The following PITPNM3 variants were observed in gnomAD, a reference collection of about 807,000 sequenced individuals.
PITPNM3 encodes PITPNM family member 3, also known as membrane-associated phosphatidylinositol transfer protein 3.
PITPNM3 carries 26 observed loss-of-function variants against 102.0 expected under a neutral mutation model. The observed-to-expected ratio is 0.25, with a 90% CI of 0.19 to 0.35. The LOEUF (loss-of-function observed/expected upper bound fraction) is 0.35. Among genes scored for constraint, PITPNM3 ranks in the 10% least tolerant of loss-of-function variants. The probability of loss-of-function intolerance (pLI) is 1.00; values close to 1 mark genes in which losing one functional copy is unlikely to be tolerated. For missense variants in PITPNM3, 1,083 were observed against 1,346.1 expected, an observed-to-expected ratio of 0.80 and a Z score of 3.06; for synonymous variants, 578 against 558.6, an observed-to-expected ratio of 1.03 and a Z score of -0.49.
intron 3 of PITPNM3, among the ~76,000 whole-genome samples, chr17:6,506,461 T>A (rs1431203540): frequency 6.6e-6 from 1 of 151,392 alleles, no homozygotes; most frequent in Admixed American, 6.6e-5. Context: ...AACCTCCGCC[T>A]CCCAGGTTCA....
At chr17:6,523,298 T>G (rs928913348) in intron 3 of PITPNM3, among the ~76,000 whole-genome samples, 1 of 152,176 alleles carries the variant, frequency 6.6e-6, no homozygotes, top group African/African-American at 2.4e-5. Context: ...CATCACAGCT[T>G]TTTTACTAGT....
chr17:6,516,930 A>C (rs932708026), intron 3 of PITPNM3, among the ~76,000 whole-genome samples: 1 of 152,170 alleles, frequency 6.6e-6, no homozygotes, highest in Non-Finnish European at 1.5e-5. Flanking sequence ...TAAAAACCAT[A>C]TTACTCACAA....
At chr17:6,495,888 G>A (rs976293320) in intron 4 of PITPNM3, among the ~76,000 whole-genome samples, 5 of 152,198 alleles carry the variant, frequency 3.3e-5, no homozygotes, top group African/African-American at 1.2e-4. Context: ...GTGCAGTGAG[G>A]TCTCTCTTTG....
In PITPNM3 at chr17:6,474,459, G is replaced by A. The variant is rs752331730; in HGVS notation, c.1231C>T (p.Arg411Trp). ...TCCAGCCCAGGCAGCACCGTCCTCC[G>A]CATGGCCAGGACCAGGCCCAGTGGC... ...GSPLGLVLAM[R>W]RTVLPGLDGF... The change falls in exon 10 of 20, where the codon CGG becomes TGG. Residue 411 changes from arginine (R) to tryptophan (W), a missense_variant. Physicochemically the swap from Arg to Trp is moderately radical, Grantham distance 101 (BLOSUM62 -3). Around this residue, in one of 5 missense-constraint regions of PITPNM3, gnomAD observed 410 missense variants for 638.4 expected, o/e 0.64. Transcript: ENST00000262483. 18 of 1,613,352 alleles carry A rather than the reference G, an allele frequency of 1.1e-5. No individual in the cohort carries two copies. The highest frequency in any genetic ancestry group is 8.3e-5 in the Admixed American group (5 of 60,000).
chr17:6,463,981 C>T, intron 16 of PITPNM3, 100 bp from the exon 17 acceptor site: 1 of 1,566,580 alleles, frequency 6.4e-7, no homozygotes, highest in Non-Finnish European at 8.7e-7. Flanking sequence ...CAGTCTGGGT[C>T]AAGGTCAGAG....
chr17:6,542,788 C>T (rs547731626), intron 1 of PITPNM3, among the ~76,000 whole-genome samples: 1 of 152,364 alleles, frequency 6.6e-6, no homozygotes, highest in South Asian at 2.1e-4. Context: ...GCCAGGGGCC[C>T]TCCCCAAGGC....
Position 6,455,654 on chromosome 17 carries a change from CAGGGG to C in PITPNM3, c.2620-16_2620-12del, listed in dbSNP as rs1567656698. On this transcript the variant is annotated splice_polypyrimidine_tract_variant and intron_variant, in intron 19 of 19. Coordinates refer to ENST00000262483, the MANE Select transcript of PITPNM3 (RefSeq NM_031220.4). ...GCCCTCGCTCAGGAACTGCGGAGGGCAGGGGAGGGCAGGGGAGGGCAGGGCAGGGC... is the reference window on the plus strand; with the variant it reads ...GCCCTCGCTCAGGAACTGCGGAGGGCAGGGCAGGGGAGGGCAGGGCAGGGC... 1 of 1,112,368 alleles carries C rather than the reference CAGGGG, an allele frequency of 9.0e-7. No homozygotes were observed. Among genetic ancestry groups the C allele is most frequent in the East Asian group, 3.5e-5 (1 of 28,304 alleles). The allele number at this position is 1,112,368 out of a possible 1,614,324, so 68.9% of individuals were successfully genotyped here.
chr17:6,473,171 C>A (rs1041366583), intron 10 of PITPNM3: 6 of 373,772 alleles, frequency 1.6e-5, no homozygotes, highest in Non-Finnish European at 2.6e-5. Context: ...CCAGTTTTCA[C>A]TCAGTTACCA....
Position 6,478,233 on chromosome 17 carries a change from G to C in PITPNM3, c.778-136C>G. 3 of 1,437,622 alleles carry C rather than the reference G, an allele frequency of 2.1e-6. No individual in the cohort carries two copies. The South Asian group carries it at 3.8e-5, about 18-fold the overall frequency. The allele number at this position is 1,437,622 out of a possible 1,614,324, so 89.1% of individuals were successfully genotyped here. A position where few individuals can be genotyped will look rare whatever the true frequency, so the allele number is the denominator to read the frequency against. Reference sequence around the variant, plus strand: ...GGAGGTGTTGAGAGAGCCCAACTGGGAAGCAGTGTGCAAACTGGGGAGGGT... The same window carrying C: ...GGAGGTGTTGAGAGAGCCCAACTGGCAAGCAGTGTGCAAACTGGGGAGGGT... On this transcript the variant is annotated intron_variant, in intron 7 of 19. Transcript: ENST00000262483. This position sits in a 1 kb window ranked among gnomAD's most constrained non-coding sequence, Gnocchi z 4.4.
At chr17:6,532,373 C>T (rs527860763) in intron 2 of PITPNM3, among the ~76,000 whole-genome samples, 4 of 152,234 alleles carry the variant, frequency 2.6e-5, no homozygotes, top group Middle Eastern at 3.4e-3. Context: ...ACCTTTAAAG[C>T]GCACAGCTGG....
In PITPNM3 at chr17:6,479,011, C is replaced by T. The variant is rs567288170; in HGVS notation, c.588-275G>A. 1.3e-4 allele frequency: 65 copies of T among 502,802 alleles called. 1 individual carries two copies. The South Asian group carries it at 1.7e-3, about 13-fold the overall frequency. 31.1% of individuals were successfully genotyped at this position (502,802 alleles called of 1,614,324 possible). On this transcript the variant is annotated intron_variant, in intron 6 of 19. Transcript: ENST00000262483. ...TCCCTGTGACTGCAGTCTCTATTGCCCTCTTCTGCATGGCCCCAAAGGGCA... is the reference window on the plus strand; with the variant it reads ...TCCCTGTGACTGCAGTCTCTATTGCTCTCTTCTGCATGGCCCCAAAGGGCA...
intron 2 of PITPNM3, among the ~76,000 whole-genome samples, chr17:6,535,398 G>C (rs981279506): frequency 6.6e-6 from 1 of 152,192 alleles, no homozygotes; most frequent in African/African-American, 2.4e-5. Flanking sequence ...AACACACAAA[G>C]GCCTTGGTCA....
At chr17:6,514,496 G>T (rs376386969) in intron 3 of PITPNM3, among the ~76,000 whole-genome samples, 1 of 152,088 alleles carries the variant, frequency 6.6e-6, no homozygotes, top group African/African-American at 2.4e-5. Flanking sequence ...ATAAGCACAC[G>T]AAAAGATGCT....
rs1171769675 is a variant in PITPNM3 at position 6,478,245 on chromosome 17, A to C, written c.778-148T>G. 7.2e-7 allele frequency: 1 copy of C among 1,388,056 alleles called. No individual in the cohort carries two copies. The highest frequency in any genetic ancestry group is 1.4e-5 in the African/African-American group (1 of 70,114). The allele number at this position is 1,388,056 out of a possible 1,614,324, so 86.0% of individuals were successfully genotyped here. On this transcript the variant is annotated intron_variant, in intron 7 of 19. Coordinates refer to ENST00000262483, the MANE Select transcript of PITPNM3 (RefSeq NM_031220.4). This position sits in a 1 kb window ranked among gnomAD's most constrained non-coding sequence, Gnocchi z 4.4. Reference sequence around the variant, plus strand: ...AGAGCCCAACTGGGAAGCAGTGTGCAAACTGGGGAGGGTCAGGGTTGGCGT... The same window carrying C: ...AGAGCCCAACTGGGAAGCAGTGTGCCAACTGGGGAGGGTCAGGGTTGGCGT...
chr17:6,495,846 G>T (rs964584189), intron 4 of PITPNM3, among the ~76,000 whole-genome samples: 1 of 152,208 alleles, frequency 6.6e-6, no homozygotes, highest in Admixed American at 6.5e-5. Flanking sequence ...ACAAAGGAAA[G>T]GGCGATTCTT....
chr17:6,516,519 G>C lies in PITPNM3; in HGVS notation c.226+8837C>G, dbSNP rs372035693. On this transcript the variant is annotated intron_variant, in intron 3 of 19. Transcript: ENST00000262483. ...GCGGAGCTTGCAGTGAGCCGAGATG[G>C]TGCCACTGCACTCCAGCGTGGGCGA... Among the ~76,000 whole-genome samples, 368 of 148,060 alleles carry C rather than the reference G, an allele frequency of 2.5e-3. 1 individual carries two copies. The highest frequency in any genetic ancestry group is 8.6e-3 in the African/African-American group (345 of 40,090).
chr17:6,496,463 G>A (rs1210133405), intron 4 of PITPNM3, among the ~76,000 whole-genome samples: 5 of 152,006 alleles, frequency 3.3e-5, no homozygotes, highest in Non-Finnish European at 5.9e-5. Context: ...CCACTGCCCC[G>A]TGACCAGATA....
chr17:6,536,097 A>AG (rs1909411942), intron 2 of PITPNM3, among the ~76,000 whole-genome samples: 1 of 151,686 alleles, frequency 6.6e-6, no homozygotes, highest in African/African-American at 2.4e-5. Context: ...AAAAAAAAAA[A>AG]GGAGATGATG....
intron 3 of PITPNM3, among the ~76,000 whole-genome samples, chr17:6,504,560 C>A (rs1423177802): frequency 6.6e-6 from 1 of 152,156 alleles, no homozygotes; most frequent in East Asian, 1.9e-4. Flanking sequence ...GAGTGTCCAG[C>A]TGGAATCTGG....
Sources: gnomAD v4.1 joint callset for allele counts (sites outside exome capture counted in the v4.1 genomes callset) on GRCh38, gnomAD v4.1.1 for gene constraint, gnomAD v4.1.1 regional missense constraint, Gnocchi (gnomAD v3.1) non-coding constraint, MANE v1.5 for transcripts, NCBI Gene and HGNC (gene_info 2026-07-23, HGNC 2026-07-21) for gene names.